Variants in PKD1L1 observed in about 807,000 individuals in gnomAD.
PKD1L1 encodes polycystin 1 like 1, transient receptor potential channel interacting.
In PKD1L1, 236 loss-of-function variants were observed where a neutral mutation model predicts 323.4. That is an observed-to-expected ratio of 0.73 (90% confidence interval 0.66 to 0.81). PKD1L1 has a LOEUF of 0.81. Ranked by LOEUF, PKD1L1 falls within the 40% of genes least tolerant of loss-of-function variation. The pLI is 0.00. For synonymous variants in PKD1L1, 1,344 were observed against 1,335.0 expected (o/e 1.01, Z -0.15); for missense variants, 3,320 against 3,508.0 (o/e 0.95, Z 1.35).
At chr7:47,820,571 A>C (rs1179960817) in intron 46 of PKD1L1, among the ~76,000 whole-genome samples, 1 of 152,102 alleles carries the variant, frequency 6.6e-6, no homozygotes, top group Non-Finnish European at 1.5e-5. Flanking sequence ...CTAAAAATAC[A>C]AAAAAATTAG....
intron 7 of PKD1L1, among the ~76,000 whole-genome samples, chr7:47,927,415 G>A (rs1035857952): frequency 3.3e-5 from 5 of 151,908 alleles, no homozygotes; most frequent in African/African-American, 7.2e-5. Flanking sequence ...AGTAGGGCGC[G>A]CCACCACGCC....
chr7:47,844,320 CT>C (rs1230910939), intron 33 of PKD1L1, among the ~76,000 whole-genome samples: 8 of 152,158 alleles, frequency 5.3e-5, no homozygotes, highest in African/African-American at 1.2e-4. Flanking sequence ...GGTAGAGTTT[CT>C]TACTATATGA....
At chr7:47,819,620 T>C (rs757724575) in intron 46 of PKD1L1, 2 of 1,328,510 alleles carry the variant, frequency 1.5e-6, no homozygotes, top group East Asian at 9.2e-5. Flanking sequence ...TTCCACTTAA[T>C]TTCACTATTA....
intron 56 of PKD1L1, among the ~76,000 whole-genome samples, chr7:47,788,580 T>TACA (rs1562930029): frequency 7.3e-6 from 1 of 136,794 alleles, no homozygotes; most frequent in African/African-American, 2.9e-5. Context: ...TATATATATT[T>TACA]TTTTTTTTTA....
rs116988549 is a variant in PKD1L1 at position 47,840,546 on chromosome 7, C to T, written c.5467G>A (p.Asp1823Asn). The change falls in exon 35 of 57, where the codon GAC becomes AAC. Residue 1823 changes from aspartate to asparagine, a missense_variant. Transcript: ENST00000289672. This position sits in a 1 kb window ranked among gnomAD's most constrained non-coding sequence, Gnocchi z 4.1. ...TSKVYIVLCGDNGLSETKELS... is the reference protein window; with the variant it reads ...TSKVYIVLCGNNGLSETKELS... Reference sequence around the variant, plus strand: ...TCCTTGGTTTCTGACAGTCCATTGTCGCCACATAAAACAATGTACACCTCA... The same window carrying T: ...TCCTTGGTTTCTGACAGTCCATTGTTGCCACATAAAACAATGTACACCTCA... 10,878 of 1,613,784 alleles carry T rather than the reference C, an allele frequency of 6.7e-3. 49 individuals are homozygous for T. Among genetic ancestry groups the T allele is most frequent in the Non-Finnish European group, 8.3e-3 (9,738 of 1,179,726 alleles).
At chr7:47,786,951 A>T (rs1028832518) in intron 56 of PKD1L1, among the ~76,000 whole-genome samples, 1 of 152,236 alleles carries the variant, frequency 6.6e-6, no homozygotes, top group Admixed American at 6.5e-5. Flanking sequence ...TTTTGTTGCC[A>T]TGAGTCACTT....
intron 14 of PKD1L1, 145 bp downstream of exon 14, chr7:47,897,843 T>C: frequency 1.6e-6 from 1 of 637,180 alleles, no homozygotes; most frequent in Non-Finnish European, 2.6e-6. Context: ...TCTCTTAAAA[T>C]CCAATGCAGA....
rs1250315158 is a variant in PKD1L1 at position 47,819,385 on chromosome 7, G to A, written c.6965+1691C>T. 4 of 406,316 alleles carry A rather than the reference G, an allele frequency of 9.8e-6. No homozygotes were observed. The East Asian group carries it at 3.9e-4, about 40-fold the overall frequency. 25.2% of individuals were successfully genotyped at this position (406,316 alleles called of 1,614,324 possible). Reference sequence around the variant, plus strand: ...AAGCAACAATTCATATGAGAAATATGTCAAATAATGTTGACTTGTGAAATG... The same window carrying A: ...AAGCAACAATTCATATGAGAAATATATCAAATAATGTTGACTTGTGAAATG... On this transcript the variant is annotated intron_variant, in intron 46 of 56. Transcript: ENST00000289672.
intron 21 of PKD1L1, among the ~76,000 whole-genome samples, chr7:47,880,407 G>A (rs190411911): frequency 0.018 from 2,579 of 146,828 alleles, 88 homozygotes; most frequent in African/African-American, 0.063. Flanking sequence ...TCGGCCTCTC[G>A]AATAGCTGGG....
intron 30 of PKD1L1, among the ~76,000 whole-genome samples, chr7:47,853,943 A>T (rs1785842435): frequency 6.6e-6 from 1 of 152,168 alleles, no homozygotes; most frequent in Non-Finnish European, 1.5e-5. Context: ...CTTTACCGTA[A>T]CCTGTTTGCA....
chr7:47,839,820 C>G lies in PKD1L1; in HGVS notation c.5553-158G>C, dbSNP rs1447409510. Among the ~76,000 whole-genome samples the G allele has an allele frequency of 2.0e-5, 3 of 152,222 alleles. No homozygotes were observed. Among genetic ancestry groups the G allele is most frequent in the Admixed American group, 6.5e-5 (1 of 15,290 alleles). ...CATGCAGAGTGACATGTGAAGCCCCCTGGAACCCGGCCAGAGGATGGGAAA... is the reference window on the plus strand; with the variant it reads ...CATGCAGAGTGACATGTGAAGCCCCGTGGAACCCGGCCAGAGGATGGGAAA... On this transcript the variant is annotated intron_variant, in intron 35 of 56. Transcript: ENST00000289672. This position sits in a 1 kb window ranked among gnomAD's most constrained non-coding sequence, Gnocchi z 4.3.
Position 47,840,495 on chromosome 7 carries a change from A to G in PKD1L1, c.5518T>C (p.Phe1840Leu). 4 of 1,614,114 alleles carry G rather than the reference A, an allele frequency of 2.5e-6. No individual in the cohort carries two copies. The highest frequency in any genetic ancestry group is 3.4e-6 in the Non-Finnish European group (4 of 1,179,976). ...AAGGTGTGTCTGGAATTCCTTTCAA[A>G]CAGGGGCTTCTCTGGACAGGAGAGC... is the stretch of plus-strand genomic sequence containing the variant. ...KELSCPEKPL[F>L]ERNSRHTFIL... Residue 1840 changes from phenylalanine to leucine, a missense_variant, in exon 35 of 57, where the codon TTT becomes CTT. By Grantham distance (22) the Phe-to-Leu change is conservative. Coordinates refer to ENST00000289672, the MANE Select transcript of PKD1L1 (RefSeq NM_138295.5). This position sits in a 1 kb window ranked among gnomAD's most constrained non-coding sequence, Gnocchi z 4.1.
At chr7:47,906,011 C>A in intron 9 of PKD1L1, 49 bp from the exon 10 acceptor site, 1 of 1,495,014 alleles carries the variant, frequency 6.7e-7, no homozygotes, top group Non-Finnish European at 9.0e-7. Flanking sequence ...AAAATTAATT[C>A]ACTTTTATCA....
Position 47,817,883 on chromosome 7 carries a change from C to T in PKD1L1, c.6966-2426G>A, listed in dbSNP as rs146332655. On this transcript the variant is annotated intron_variant, in intron 46 of 56. Coordinates refer to ENST00000289672, the MANE Select transcript of PKD1L1 (RefSeq NM_138295.5). Reference sequence around the variant, plus strand: ...AGGCTCTGTCTCAAAAAAAAAATTTCCATAGCATGTATGAGTAAAAGTCTA... The same window carrying T: ...AGGCTCTGTCTCAAAAAAAAAATTTTCATAGCATGTATGAGTAAAAGTCTA... 4.9e-3 allele frequency: 2,600 copies of T among 535,696 alleles called. 18 individuals carry two copies. The highest frequency in any genetic ancestry group is 6.5e-3 in the Non-Finnish European group (2,301 of 356,212). The allele number at this position is 535,696 out of a possible 1,614,324, so 33.2% of individuals were successfully genotyped here. A position where few individuals can be genotyped will look rare whatever the true frequency, so the allele number is the denominator to read the frequency against.
chr7:47,839,744 A>C lies in PKD1L1; in HGVS notation c.5553-82T>G. ...CCCATCAGCCCCAATGCTCACCCTC[A>C]AGGCACTGATGGCCCACAGAGGGTG... On this transcript the variant is annotated intron_variant, in intron 35 of 56. Transcript: ENST00000289672. The surrounding 1 kb of genome is among the most constrained non-coding windows in gnomAD (Gnocchi z 4.3). The C allele has an allele frequency of 1.5e-6, 2 of 1,337,508 alleles. No homozygotes were observed. The highest frequency in any genetic ancestry group is 2.8e-5 in the South Asian group (2 of 72,642). The allele number at this position is 1,337,508 out of a possible 1,614,324, so 82.9% of individuals were successfully genotyped here.
At chr7:47,834,791 T>C (rs1021600109) in intron 39 of PKD1L1, among the ~76,000 whole-genome samples, 176 bp downstream of exon 39, 3 of 152,058 alleles carry the variant, frequency 2.0e-5, no homozygotes, top group African/African-American at 7.2e-5. Context: ...TGTGGGCAAA[T>C]AAAATGGACA....
At chr7:47,921,965 C>T (rs1458452541) in intron 7 of PKD1L1, among the ~76,000 whole-genome samples, 1 of 151,574 alleles carries the variant, frequency 6.6e-6, no homozygotes, top group African/African-American at 2.4e-5. Context: ...GATGCCAAGC[C>T]GAGGCTGGAC....
In PKD1L1 at chr7:47,946,954, G is replaced by A. The variant is rs1788109818; in HGVS notation, c.44+1443C>T. Among the ~76,000 whole-genome samples the A allele has an allele frequency of 6.6e-6, 1 of 152,142 alleles. No individual in the cohort carries two copies. On this transcript the variant is annotated intron_variant, in intron 1 of 56. Coordinates refer to ENST00000289672, the MANE Select transcript of PKD1L1 (RefSeq NM_138295.5). This position sits in a 1 kb window ranked among gnomAD's most constrained non-coding sequence, Gnocchi z 4.1. ...CCTCAGCTTTTCTTTCCTTTCTAAG[G>A]GCAAAGGGGTAATTCCTTGCAATTC...
At chr7:47,893,253 A>AAG (rs1562976940) in intron 15 of PKD1L1, among the ~76,000 whole-genome samples, 4 of 150,604 alleles carry the variant, frequency 2.7e-5, no homozygotes, top group Admixed American at 1.3e-4. Context: ...AAAAAAAAAA[A>AAG]AGAGAAAGAA....
Sources: gnomAD v4.1 joint callset for allele counts (sites outside exome capture counted in the v4.1 genomes callset) on GRCh38, gnomAD v4.1.1 for gene constraint, Gnocchi (gnomAD v3.1) non-coding constraint, MANE v1.5 for transcripts, NCBI Gene and HGNC (gene_info 2026-07-23, HGNC 2026-07-21) for gene names.